Variants in RAPGEF5 observed in about 807,000 individuals in gnomAD.
RAPGEF5 encodes Rap guanine nucleotide exchange factor 5, also known as M-Ras-regulated GEF.
A neutral mutation model predicts 125.2 loss-of-function variants in RAPGEF5; 65 were observed. The observed-to-expected ratio is 0.52, with a 90% CI of 0.43 to 0.64. The LOEUF (loss-of-function observed/expected upper bound fraction) is 0.64. Ranked by LOEUF, RAPGEF5 falls within the 30% of genes least tolerant of loss-of-function variation. The probability of loss-of-function intolerance (pLI) is 0.00; values close to 1 mark genes in which losing one functional copy is unlikely to be tolerated. For synonymous variants in RAPGEF5, 391 were observed against 385.9 expected (o/e 1.01, Z -0.16); for missense variants, 958 against 1,048.1 (o/e 0.91, Z 1.19).
intron 6 of RAPGEF5, among the ~76,000 whole-genome samples, chr7:22,277,671 C>A (rs918135665): frequency 1.6e-4 from 24 of 152,096 alleles, no homozygotes; most frequent in African/African-American, 5.3e-4. Context: ...GGTTGTCACC[C>A]GGAAGCTGCC....
intron 17 of RAPGEF5, among the ~76,000 whole-genome samples, chr7:22,153,364 G>A (rs1036474620): frequency 2.6e-5 from 4 of 151,962 alleles, no homozygotes; most frequent in South Asian, 2.1e-4. Flanking sequence ...ATTAAAAATC[G>A]AACCACTCTC....
At chr7:22,294,110 T>C (rs1249811757) in intron 5 of RAPGEF5, among the ~76,000 whole-genome samples, 2 of 150,734 alleles carry the variant, frequency 1.3e-5, no homozygotes, top group Admixed American at 6.6e-5. Flanking sequence ...GCTGTGCTGC[T>C]CGTGAATGAG....
At chr7:22,196,889 T>G (rs765204555) in intron 9 of RAPGEF5, among the ~76,000 whole-genome samples, 36 of 152,196 alleles carry the variant, frequency 2.4e-4, no homozygotes, top group Non-Finnish European at 4.1e-4. Context: ...TTATGAATTA[T>G]TTAAGCTTTG....
At chr7:22,218,377 G>T (rs188549033) in intron 9 of RAPGEF5, among the ~76,000 whole-genome samples, 1 of 152,216 alleles carries the variant, frequency 6.6e-6, no homozygotes, top group East Asian at 1.9e-4. Context: ...ATTTTTGAAA[G>T]ATCTTACCAT....
intron 1 of RAPGEF5, among the ~76,000 whole-genome samples, chr7:22,324,991 TC>T (rs1228781042): frequency 1.3e-5 from 2 of 152,210 alleles, no homozygotes; most frequent in Non-Finnish European, 2.9e-5. Flanking sequence ...GCAGGTTGTC[TC>T]CTTTTTATGA....
At chr7:22,165,188 T>C (rs1246497674) in intron 12 of RAPGEF5, among the ~76,000 whole-genome samples, 2 of 152,204 alleles carry the variant, frequency 1.3e-5, no homozygotes, top group Non-Finnish European at 2.9e-5. Flanking sequence ...AATTTGTGTA[T>C]ATAATGTCTT....
chr7:22,342,537 TC>T (rs1364015881), intron 1 of RAPGEF5, among the ~76,000 whole-genome samples: 6 of 152,348 alleles, frequency 3.9e-5, no homozygotes, highest in African/African-American at 1.2e-4. Context: ...TATCACATTG[TC>T]AGGCTGCAAA....
intron 11 of RAPGEF5, among the ~76,000 whole-genome samples, chr7:22,169,695 TAAAA>T (rs34238182): frequency 1.2e-4 from 15 of 127,128 alleles, no homozygotes; most frequent in South Asian, 2.7e-4. Flanking sequence ...TCTCTACTGT[TAAAA>T]AAAAAAAAAA....
chr7:22,166,929 C>T (rs964883335), intron 12 of RAPGEF5, 141 bp downstream of exon 12: 26 of 679,020 alleles, frequency 3.8e-5, no homozygotes, highest in Non-Finnish European at 5.8e-5. Context: ...CATCTTCTAC[C>T]TTGGATATCA....
intron 3 of RAPGEF5, among the ~76,000 whole-genome samples, chr7:22,310,421 C>T (rs1783441997): frequency 6.6e-6 from 1 of 152,138 alleles, no homozygotes; most frequent in African/African-American, 2.4e-5. Flanking sequence ...ACTATTAATT[C>T]CCAACAATTA....
At chr7:22,316,169 T>C (rs990043661) in intron 2 of RAPGEF5, among the ~76,000 whole-genome samples, 1 of 152,084 alleles carries the variant, frequency 6.6e-6, no homozygotes, top group Non-Finnish European at 1.5e-5. Context: ...TCCTACTTTA[T>C]AATACTACCT....
At chr7:22,178,493 C>T (rs1784578061) in intron 11 of RAPGEF5, among the ~76,000 whole-genome samples, 1 of 152,208 alleles carries the variant, frequency 6.6e-6, no homozygotes, top group Non-Finnish European at 1.5e-5. Context: ...TATCAGGGTT[C>T]TCACAACCAC....
At chr7:22,238,736 A>T (rs1786252129) in intron 7 of RAPGEF5, among the ~76,000 whole-genome samples, 1 of 152,238 alleles carries the variant, frequency 6.6e-6, no homozygotes, top group Non-Finnish European at 1.5e-5. Context: ...TATATCCATT[A>T]TACCAGTGAT....
intron 11 of RAPGEF5, among the ~76,000 whole-genome samples, chr7:22,177,716 C>G (rs906474498): frequency 2.6e-5 from 4 of 152,194 alleles, no homozygotes; most frequent in Non-Finnish European, 5.9e-5. Flanking sequence ...GGTGACAGCA[C>G]TGAGGCTGAG....
At chr7:22,239,426 T>C (rs1262523053) in intron 7 of RAPGEF5, among the ~76,000 whole-genome samples, 1 of 152,152 alleles carries the variant, frequency 6.6e-6, no homozygotes. Context: ...CCAATAAATC[T>C]ACTGTGGGGA....
chr7:22,266,560 T>C (rs144891402), intron 7 of RAPGEF5, among the ~76,000 whole-genome samples: 163 of 152,214 alleles, frequency 1.1e-3, no homozygotes, highest in Middle Eastern at 3.4e-3. Context: ...AGAAACTACT[T>C]TGAGATTTTT....
At chr7:22,167,797 C>G (rs983868868) in intron 11 of RAPGEF5, among the ~76,000 whole-genome samples, 14 of 152,130 alleles carry the variant, frequency 9.2e-5, no homozygotes, top group African/African-American at 3.1e-4. Context: ...CTTTTTTCTA[C>G]CAACCAAACC....
intron 6 of RAPGEF5, among the ~76,000 whole-genome samples, chr7:22,289,166 T>C (rs1451360290): frequency 6.6e-6 from 1 of 152,230 alleles, no homozygotes; most frequent in African/African-American, 2.4e-5. Context: ...TTGTGCACAA[T>C]TTCCAACTCC....
intron 6 of RAPGEF5, among the ~76,000 whole-genome samples, chr7:22,285,679 T>C (rs1418289228): frequency 1.3e-5 from 2 of 152,216 alleles, no homozygotes; most frequent in African/African-American, 4.8e-5. Context: ...GATAGAGTAC[T>C]GTGAAAGATA....
Sources: gnomAD v4.1 joint callset for allele counts (sites outside exome capture counted in the v4.1 genomes callset) on GRCh38, gnomAD v4.1.1 for gene constraint, MANE v1.5 for transcripts, NCBI Gene and HGNC (gene_info 2026-07-23, HGNC 2026-07-21) for gene names.